The following PPP2R1B variants were observed in gnomAD, a reference collection of about 807,000 sequenced individuals.
PPP2R1B encodes protein phosphatase 2 scaffold subunit Abeta.
A neutral mutation model predicts 72.7 loss-of-function variants in PPP2R1B; 58 were observed. The ratio of observed to expected loss-of-function variants is 0.80; its 90% confidence interval spans 0.65 to 0.99. PPP2R1B has a LOEUF of 0.99. PPP2R1B is among the 50% of genes least tolerant of loss of function. The pLI is 0.00. For missense variants in PPP2R1B, 695 were observed against 733.6 expected (o/e 0.95, Z 0.61); for synonymous variants, 256 against 264.6 (o/e 0.97, Z 0.32).
chr11:111,750,292 G>A (rs1260904319), intron 10 of PPP2R1B, among the ~76,000 whole-genome samples: 1 of 152,150 alleles, frequency 6.6e-6, no homozygotes, highest in Non-Finnish European at 1.5e-5. Flanking sequence ...AGTGAGGAAG[G>A]GGAAACAAAC....
At chr11:111,763,847 A>AAT (rs138127836) in intron 3 of PPP2R1B, among the ~76,000 whole-genome samples, 1 of 146,232 alleles carries the variant, frequency 6.8e-6, no homozygotes, top group African/African-American at 2.5e-5. Flanking sequence ...CAGAAAAAAA[A>AAT]CTCTCTCTCT....
intron 3 of PPP2R1B, among the ~76,000 whole-genome samples, chr11:111,762,074 T>A (rs1945349231): frequency 6.6e-6 from 1 of 152,206 alleles, no homozygotes; most frequent in Admixed American, 6.5e-5. Flanking sequence ...GAATATGGCA[T>A]GGCCTAGTAA....
At chr11:111,720,117 C>A in the PPP2R1B span, 1 of 1,023,166 alleles carries the variant, frequency 9.8e-7, no homozygotes, top group Non-Finnish European at 1.5e-6. Flanking sequence ...ATAGCTTATT[C>A]CTTTATGGAT....
chr11:111,764,156 AC>A (rs1945433164), intron 3 of PPP2R1B, among the ~76,000 whole-genome samples: 1 of 151,398 alleles, frequency 6.6e-6, no homozygotes, highest in Admixed American at 6.6e-5. Flanking sequence ...TTACGACTGC[AC>A]GGTAATTATT....
chr11:111,742,582 T>C lies in PPP2R1B; in HGVS notation c.1638A>G (p.Ala546=), dbSNP rs138057886. The C allele has an allele frequency of 1.4e-4, 225 of 1,613,972 alleles. No individual in the cohort carries two copies. The African/African-American group carries it at 2.7e-3, about 20-fold the overall frequency. ...IVLKMAGDQV[A]NVRFNVAKSL... ...ATTTGGCCACATTGAAGCGAACATT[T>C]GCTACTTGGTCTCCTGCCATTTTTA... is the stretch of plus-strand genomic sequence containing the variant. Residue 546 remains alanine (A), a synonymous_variant, in exon 13 of 15, where the codon GCA becomes GCG. Coordinates refer to ENST00000527614, the MANE Select transcript of PPP2R1B (RefSeq NM_002716.5).
the PPP2R1B span, among the ~76,000 whole-genome samples, chr11:111,711,342 C>T: frequency 1.3e-5 from 2 of 152,202 alleles, no homozygotes; most frequent in Admixed American, 6.5e-5. Context: ...AGGATGGTCT[C>T]GATCTCCTGA....
the PPP2R1B span, among the ~76,000 whole-genome samples, chr11:111,710,461 T>C: frequency 6.6e-6 from 1 of 152,226 alleles, no homozygotes; most frequent in East Asian, 1.9e-4. Context: ...ATGTTGAAAA[T>C]ATATTCAGAG....
At chr11:111,757,200 G>A (rs1945155678) in intron 5 of PPP2R1B, among the ~76,000 whole-genome samples, 1 of 151,912 alleles carries the variant, frequency 6.6e-6, no homozygotes, top group Non-Finnish European at 1.5e-5. Context: ...CATATATAAG[G>A]TAGAATCTTA....
At chr11:111,712,216 G>A in the PPP2R1B span, 1 of 1,614,186 alleles carries the variant, frequency 6.2e-7, no homozygotes, top group East Asian at 2.2e-5. Flanking sequence ...TACAGGCACA[G>A]ACTGTGGGGC....
chr11:111,754,768 AT>A (rs373768213), intron 7 of PPP2R1B, among the ~76,000 whole-genome samples, 199 bp from the exon 8 acceptor site: 186 of 147,848 alleles, frequency 1.3e-3, no homozygotes, highest in African/African-American at 3.0e-3. Flanking sequence ...CCTGAAAGGC[AT>A]TTTTTTTTTT....
chr11:111,691,534 C>T, the PPP2R1B span, among the ~76,000 whole-genome samples: 4 of 152,308 alleles, frequency 2.6e-5, no homozygotes, highest in African/African-American at 9.6e-5. Flanking sequence ...GTCCTTCTCC[C>T]ACTACACCAT....
chr11:111,701,091 G>A, the PPP2R1B span: 1 of 1,520,824 alleles, frequency 6.6e-7, no homozygotes, highest in Non-Finnish European at 8.9e-7. The surrounding 1 kb of genome is among the most constrained non-coding windows in gnomAD (Gnocchi z 4.2). Context: ...GAAGCTCCTG[G>A]TACTTAACAC....
Position 111,759,954 on chromosome 11 carries a change from GCAACATAAAA to G in PPP2R1B, c.540-13_540-4del. 1.2e-6 allele frequency: 2 copies of G among 1,613,094 alleles called. No homozygotes were observed. Among genetic ancestry groups the G allele is most frequent in the Non-Finnish European group, 1.7e-6 (2 of 1,179,386 alleles). Reference sequence around the variant, plus strand: ...CTGAGCACAAGGAACGGAATTGCCTGCAACATAAAACAATGAAGGTATTTCCCATCAAATA... The same window carrying G: ...CTGAGCACAAGGAACGGAATTGCCTGCAATGAAGGTATTTCCCATCAAATA... On this transcript the variant is annotated splice_polypyrimidine_tract_variant and splice_region_variant and intron_variant, in intron 4 of 14. Coordinates refer to ENST00000527614, the MANE Select transcript of PPP2R1B (RefSeq NM_002716.5).
In PPP2R1B at chr11:111,739,921, C is replaced by A. The variant is rs553501130; in HGVS notation, c.*1675G>T. On this transcript the variant is annotated 3_prime_UTR_variant, in exon 15 of 15. Transcript: ENST00000527614. ...TAAGGTAATTTGGCAGTTTAAAATG[C>A]AGACAGATAACCTCTGATTTACAAT... is the stretch of plus-strand genomic sequence containing the variant. 2.4e-5 allele frequency: 24 copies of A among 980,910 alleles called. No individual in the cohort carries two copies. In the African/African-American group the frequency reaches 3.5e-4, roughly 14 times the overall value. The allele number at this position is 980,910 out of a possible 1,614,324, so 60.8% of individuals were successfully genotyped here.
chr11:111,748,112 A>T, intron 10 of PPP2R1B, 98 bp from the exon 11 acceptor site: 2 of 1,058,022 alleles, frequency 1.9e-6, no homozygotes. Context: ...GGCTAAAAAA[A>T]CTTGTTTCCA....
At chr11:111,724,062 G>A (rs780343251), downstream of PPP2R1B, 9 of 1,613,992 alleles carry the variant, frequency 5.6e-6, no homozygotes, top group South Asian at 2.2e-5. Flanking sequence ...GAGCTACCTG[G>A]ACTCTTTGAT....
At chr11:111,708,063 TAAG>T in the PPP2R1B span, among the ~76,000 whole-genome samples, 3 of 152,122 alleles carry the variant, frequency 2.0e-5, no homozygotes, top group African/African-American at 7.2e-5. Flanking sequence ...TTGCTCCCCT[TAAG>T]AAGTTCATAG....
chr11:111,724,129 G>C, downstream of PPP2R1B: 1 of 1,606,160 alleles, frequency 6.2e-7, no homozygotes, highest in Non-Finnish European at 8.5e-7. Flanking sequence ...TGGTGAATTA[G>C]TCTCAGCACA....
chr11:111,744,503 A>C (rs1944634695), intron 11 of PPP2R1B, among the ~76,000 whole-genome samples: 1 of 152,226 alleles, frequency 6.6e-6, no homozygotes, highest in African/African-American at 2.4e-5. Context: ...GGTCTCAGCT[A>C]CAATCCTCTC....
Sources: allele counts gnomAD v4.1 joint callset (sites outside exome capture counted in the v4.1 genomes callset), GRCh38; gene constraint gnomAD v4.1.1; non-coding constraint Gnocchi (gnomAD v3.1); transcripts MANE v1.5; gene names NCBI Gene and HGNC (gene_info 2026-07-23, HGNC 2026-07-21).